Variants in ACVR2A observed in about 807,000 individuals in gnomAD.
ACVR2A encodes activin A receptor type 2A, also known as activin receptor type-2A.
A neutral mutation model predicts 61.4 loss-of-function variants in ACVR2A; 7 were observed. The observed-to-expected ratio is 0.11, with a 90% CI of 0.06 to 0.21. The LOEUF (loss-of-function observed/expected upper bound fraction) is 0.21, where lower values mean the gene tolerates loss of function less well. Among genes scored for constraint, ACVR2A ranks in the 10% least tolerant of loss-of-function variants. The pLI, the probability that ACVR2A is intolerant of heterozygous loss-of-function variation, is 1.00. For synonymous variants in ACVR2A, 193 were observed against 208.3 expected (o/e 0.93, Z 0.63); for missense variants, 322 against 621.7 (o/e 0.52, Z 5.13).
At chr2:147,864,884 T>C (rs529513630) in intron 1 of ACVR2A, among the ~76,000 whole-genome samples, 1 of 152,300 alleles carries the variant, frequency 6.6e-6, no homozygotes, top group South Asian at 2.1e-4. Flanking sequence ...TTTTTAATTG[T>C]CTAAGAAAAC....
intron 4 of ACVR2A, among the ~76,000 whole-genome samples, chr2:147,906,123 T>C (rs1051934384): frequency 6.6e-6 from 1 of 152,166 alleles, no homozygotes; most frequent in Non-Finnish European, 1.5e-5. Context: ...GTGTTCTTCA[T>C]TTCCTGGACC....
chr2:147,845,528 A>G (rs947268996), intron 1 of ACVR2A, among the ~76,000 whole-genome samples: 7 of 152,310 alleles, frequency 4.6e-5, no homozygotes, highest in South Asian at 2.1e-4. Flanking sequence ...TTAAGCCGCA[A>G]ATACCACAAG....
At chr2:147,911,736 A>G (rs1490149394) in intron 4 of ACVR2A, among the ~76,000 whole-genome samples, 1 of 151,972 alleles carries the variant, frequency 6.6e-6, no homozygotes, top group Non-Finnish European at 1.5e-5. Context: ...AATGTGATTG[A>G]TTTGACTTAG....
intron 8 of ACVR2A, among the ~76,000 whole-genome samples, chr2:147,921,315 G>T (rs1687376392): frequency 6.6e-6 from 1 of 152,066 alleles, no homozygotes; most frequent in Admixed American, 6.5e-5. Context: ...GATTATAGGC[G>T]TGAGCCACCA....
intron 1 of ACVR2A, among the ~76,000 whole-genome samples, chr2:147,869,421 T>A (rs1411573594): frequency 6.6e-5 from 10 of 152,166 alleles, no homozygotes; most frequent in Admixed American, 1.3e-4. Flanking sequence ...CGCAGTTGTG[T>A]TTGCGTGTGT....
chr2:147,869,079 A>C (rs1685947197), intron 1 of ACVR2A, among the ~76,000 whole-genome samples: 1 of 152,146 alleles, frequency 6.6e-6, no homozygotes, highest in South Asian at 2.1e-4. Context: ...GCAGTCCTTG[A>C]CGAGTTCTAG....
At position 147,930,025 on chromosome 2, in the gene ACVR2A, G is replaced by C. The variant is rs1233074188; in HGVS notation, c.*2751G>C. ...GCTCTTGTATGTATTTTAGATGCTA[G>C]AAGTTTTTTTAGCATGTGATGTGTG... On this transcript the variant is annotated 3_prime_UTR_variant, in exon 11 of 11. Transcript: ENST00000241416. The C allele has an allele frequency of 6.6e-6, 1 of 152,458 alleles. No individual in the cohort carries two copies. The highest frequency in any genetic ancestry group is 1.9e-4 in the East Asian group (1 of 5,190). The allele number at this position is 152,458 out of a possible 1,614,324, so 9.4% of individuals were successfully genotyped here.
At chr2:147,894,959 T>A (rs545930224) in intron 1 of ACVR2A, among the ~76,000 whole-genome samples, 1 of 152,244 alleles carries the variant, frequency 6.6e-6, no homozygotes, top group South Asian at 2.1e-4. Context: ...TTTTTTTCAA[T>A]AAGTATGTTG....
intron 1 of ACVR2A, among the ~76,000 whole-genome samples, chr2:147,863,013 G>A (rs1685765138): frequency 6.6e-6 from 1 of 152,076 alleles, no homozygotes; most frequent in African/African-American, 2.4e-5. Flanking sequence ...AGCCCTACAA[G>A]GTAATTGTTA....
At chr2:147,873,141 A>G (rs780262816) in intron 1 of ACVR2A, among the ~76,000 whole-genome samples, 9 of 151,960 alleles carry the variant, frequency 5.9e-5, no homozygotes, top group Non-Finnish European at 1.5e-5. Context: ...CTGTGTTCTA[A>G]GAATGCCTCA....
intron 1 of ACVR2A, among the ~76,000 whole-genome samples, chr2:147,875,235 A>G (rs1270856225): frequency 6.6e-6 from 1 of 151,988 alleles, no homozygotes; most frequent in Non-Finnish European, 1.5e-5. Flanking sequence ...TAATCTACCC[A>G]TAATACTCTT....
chr2:147,859,041 CTT>C (rs1364134653), intron 1 of ACVR2A, among the ~76,000 whole-genome samples: 3 of 152,000 alleles, frequency 2.0e-5, no homozygotes, highest in Admixed American at 1.3e-4. Flanking sequence ...GTTTAAAAAA[CTT>C]TGTTCGGGAG....
At chr2:147,844,604 C>G, upstream of ACVR2A, 1 of 155,070 alleles carries the variant, frequency 6.4e-6, no homozygotes, top group Non-Finnish European at 1.4e-5. Context: ...ACCGCCGCCG[C>G]CGCTGCCGCC....
At chr2:147,874,948 A>G (rs1432934379) in intron 1 of ACVR2A, among the ~76,000 whole-genome samples, 2 of 151,996 alleles carry the variant, frequency 1.3e-5, no homozygotes, top group Non-Finnish European at 2.9e-5. Context: ...GGTGGCTCAT[A>G]GTTGTCATTA....
chr2:147,862,710 C>CT (rs748908967), intron 1 of ACVR2A, among the ~76,000 whole-genome samples: 21 of 151,676 alleles, frequency 1.4e-4, no homozygotes, highest in Non-Finnish European at 2.5e-4. Flanking sequence ...CGCCACTGCA[C>CT]TCCAGCCTGG....
At chr2:147,862,245 A>G (rs911484789) in intron 1 of ACVR2A, among the ~76,000 whole-genome samples, 4 of 152,056 alleles carry the variant, frequency 2.6e-5, no homozygotes, top group Non-Finnish European at 4.4e-5. Context: ...CAATATAGCA[A>G]TAATAAGCAC....
At position 147,927,764 on chromosome 2, in the gene ACVR2A, G is replaced by A. The variant is rs1231551938; in HGVS notation, c.*490G>A. ...GTAATGCCAATATGACACAGCTTGT[G>A]AATGTTTAGTGTGCTGCTGTTCTGT... On this transcript the variant is annotated 3_prime_UTR_variant, in exon 11 of 11. Transcript: ENST00000241416. The A allele has an allele frequency of 6.5e-6, 1 of 153,160 alleles. No individual in the cohort carries two copies. The highest frequency in any genetic ancestry group is 1.5e-5 in the Non-Finnish European group (1 of 68,608). 9.5% of individuals were successfully genotyped at this position (153,160 alleles called of 1,614,324 possible).
chr2:147,903,620 A>G (rs1474981263), intron 4 of ACVR2A, among the ~76,000 whole-genome samples: 1 of 151,754 alleles, frequency 6.6e-6, no homozygotes, highest in Non-Finnish European at 1.5e-5. Context: ...GGTCTTCCAT[A>G]CTCTCTTTGT....
In ACVR2A at chr2:147,896,303, G is replaced by A; in HGVS notation, c.58G>A (p.Ala20Thr). The stretch of plus-strand genomic sequence containing the variant: ...TTATTGTTTTTATTATCTTATAGGT[G>A]CTATACTTGGTAGATCAGAAACTCA... ...AVFLISCSSG[A>T]ILGRSETQEC... Residue 20 changes from alanine (A) to threonine (T), a missense_variant and splice_region_variant, in exon 2 of 11, where the codon GCT becomes ACT. Physicochemically the swap from Ala to Thr is moderately conservative, Grantham distance 58 (BLOSUM62 0). Coordinates refer to ENST00000241416, the MANE Select transcript of ACVR2A (RefSeq NM_001616.5). The A allele has an allele frequency of 6.2e-7, 1 of 1,612,028 alleles. No homozygotes were observed. The highest frequency in any genetic ancestry group is 8.5e-7 in the Non-Finnish European group (1 of 1,178,346).
Sources: gnomAD v4.1 joint callset for allele counts (sites outside exome capture counted in the v4.1 genomes callset) on GRCh38, gnomAD v4.1.1 for gene constraint, MANE v1.5 for transcripts, NCBI Gene and HGNC (gene_info 2026-07-23, HGNC 2026-07-21) for gene names.